The following DNAH8 variants were observed in gnomAD, a reference collection of about 807,000 sequenced individuals.
The protein encoded by DNAH8 is dynein axonemal heavy chain 8.
DNAH8 carries 382 observed loss-of-function variants against 562.1 expected under a neutral mutation model. That is an observed-to-expected ratio of 0.68 (90% CI 0.63 to 0.74). The LOEUF is 0.74. DNAH8 is among the 30% of genes least tolerant of loss of function. DNAH8 has a pLI of 0.00. For missense variants in DNAH8, 5,203 were observed against 5,620.4 expected (o/e 0.93, Z 2.37); for synonymous variants, 1,881 against 1,919.4 (o/e 0.98, Z 0.52).
intron 54 of DNAH8, 68 bp from the exon 55 acceptor site, chr6:38,883,254 A>G: frequency 3.3e-6 from 5 of 1,495,014 alleles, no homozygotes; most frequent in Non-Finnish European, 4.5e-6. Flanking sequence ...ACTAGCCCAT[A>G]GAATCATAAG....
chr6:38,963,253 C>CTTTTTTTTTTTTT (rs57083753), intron 82 of DNAH8, among the ~76,000 whole-genome samples: 1 of 102,578 alleles, frequency 9.7e-6, no homozygotes, highest in Admixed American at 1.1e-4. Flanking sequence ...AGTCCTTTTT[C>CTTTTTTTTTTTTT]TTTTTTTTTT....
intron 82 of DNAH8, among the ~76,000 whole-genome samples, chr6:38,967,241 C>T (rs1469269849): frequency 6.6e-6 from 1 of 151,906 alleles, no homozygotes; most frequent in Non-Finnish European, 1.5e-5. Flanking sequence ...GATGTCTACT[C>T]TTACGACTTT....
intron 8 of DNAH8, among the ~76,000 whole-genome samples, chr6:38,747,052 T>C (rs1383588920): frequency 6.6e-6 from 1 of 152,210 alleles, no homozygotes. Flanking sequence ...TTGGAATTTA[T>C]TTGTGTGAAT....
intron 76 of DNAH8, among the ~76,000 whole-genome samples, chr6:38,934,384 C>T (rs890813547): frequency 1.6e-4 from 24 of 151,476 alleles, no homozygotes; most frequent in African/African-American, 3.6e-4. Context: ...ACAAAAAACA[C>T]GCACAGAAAA....
chr6:38,732,472 G>A (rs889713117), intron 4 of DNAH8, among the ~76,000 whole-genome samples: 1 of 152,164 alleles, frequency 6.6e-6, no homozygotes, highest in Non-Finnish European at 1.5e-5. Context: ...ATATTGCTAC[G>A]TACCATGTAT....
chr6:38,732,380 C>T (rs1763721364), intron 4 of DNAH8, among the ~76,000 whole-genome samples: 1 of 152,112 alleles, frequency 6.6e-6, no homozygotes, highest in Non-Finnish European at 1.5e-5. Context: ...CACAATGGGA[C>T]AAAGTCAGGT....
chr6:38,837,674 G>A (rs1774412828), intron 32 of DNAH8, among the ~76,000 whole-genome samples: 1 of 152,078 alleles, frequency 6.6e-6, no homozygotes, highest in African/African-American at 2.4e-5. Flanking sequence ...TGTACTTATG[G>A]GAACTCGAAA....
In DNAH8 at chr6:38,791,687, T is replaced by G. The variant is rs761391171; in HGVS notation, c.2901+13T>G. 2 of 1,603,738 alleles carry G rather than the reference T, an allele frequency of 1.2e-6. No individual in the cohort carries two copies. The highest frequency in any genetic ancestry group is 3.5e-5 in the Admixed American group (2 of 56,988). ...GACCCTCAATGAGGTATGCATTTGTTCATTAAATTAGAATCACAAAAATAT... is the reference window on the plus strand; with the variant it reads ...GACCCTCAATGAGGTATGCATTTGTGCATTAAATTAGAATCACAAAAATAT... On this transcript the variant is annotated intron_variant, in intron 21 of 92. Transcript: ENST00000327475.
At position 39,026,655 on chromosome 6, in the gene DNAH8, G is replaced by T. The variant is rs776969419; in HGVS notation, c.13824G>T (p.Thr4608=). ...EVLRQTKEEI[T]SPPGEGVYIY... ...TGAGACAGACCAAGGAGGAGATCAC[G>T]TCACCCCCTGGGGTAGGCGTTGCTG... The change falls in exon 92 of 93, where the codon ACG becomes ACT. Residue 4608 remains threonine, a synonymous_variant. Coordinates refer to ENST00000327475, the MANE Select transcript of DNAH8 (RefSeq NM_001206927.2). The T allele has an allele frequency of 3.1e-6, 5 of 1,613,274 alleles. No individual in the cohort carries two copies. The Admixed American group carries it at 6.7e-5, about 22-fold the overall frequency.
At chr6:38,779,255 C>A (rs1221208892) in intron 14 of DNAH8, among the ~76,000 whole-genome samples, 1 of 152,134 alleles carries the variant, frequency 6.6e-6, no homozygotes, top group African/African-American at 2.4e-5. Context: ...TGATGGAGAC[C>A]TGGTGAGACC....
intron 82 of DNAH8, among the ~76,000 whole-genome samples, chr6:38,962,859 T>C (rs1014420587): frequency 3.9e-5 from 6 of 152,160 alleles, no homozygotes; most frequent in Admixed American, 2.0e-4. Context: ...ACCATTATTC[T>C]AAGTGAAGTA....
chr6:38,818,887 G>A (rs762634107), intron 26 of DNAH8, among the ~76,000 whole-genome samples: 6 of 152,194 alleles, frequency 3.9e-5, no homozygotes, highest in African/African-American at 7.2e-5. Flanking sequence ...CCTCAGAAGC[G>A]TTCTGCCTTG....
intron 61 of DNAH8, 53 bp downstream of exon 61, chr6:38,898,433 A>G: frequency 7.0e-7 from 1 of 1,433,366 alleles, no homozygotes; most frequent in Non-Finnish European, 9.2e-7. Context: ...AAAGCTTCGT[A>G]TATTTCATAG....
chr6:38,888,537 G>A lies in DNAH8; in HGVS notation c.8473+1533G>A, dbSNP rs569663258. On this transcript the variant is annotated intron_variant, in intron 57 of 92. Coordinates refer to ENST00000327475, the MANE Select transcript of DNAH8 (RefSeq NM_001206927.2). Reference sequence around the variant, plus strand: ...ATATTTAGAGAAATCCTATAAATCAGTCAGTCAAGAAAAGGAAACAACCTG... The same window carrying A: ...ATATTTAGAGAAATCCTATAAATCAATCAGTCAAGAAAAGGAAACAACCTG... Among the ~76,000 whole-genome samples, 25 of 152,046 alleles carry A rather than the reference G, an allele frequency of 1.6e-4. No individual in the cohort carries two copies. The East Asian group carries it at 4.1e-3, about 25-fold the overall frequency.
intron 13 of DNAH8, among the ~76,000 whole-genome samples, chr6:38,777,498 A>C (rs1458457991): frequency 6.6e-6 from 1 of 152,222 alleles, no homozygotes; most frequent in East Asian, 1.9e-4. Flanking sequence ...GACCATACCA[A>C]TATGATCTAT....
chr6:38,731,980 T>G (rs781714660), intron 4 of DNAH8, among the ~76,000 whole-genome samples: 1 of 152,240 alleles, frequency 6.6e-6, no homozygotes, highest in Non-Finnish European at 1.5e-5. Flanking sequence ...CCTTCCAAAG[T>G]GCTGAGATTA....
At chr6:38,932,105 CTTG>C (rs1782592010) in intron 76 of DNAH8, 112 bp downstream of exon 76, 1 of 719,792 alleles carries the variant, frequency 1.4e-6, no homozygotes, top group African/African-American at 1.9e-5. Flanking sequence ...CATATTTATC[CTTG>C]TTAACATAAG....
intron 82 of DNAH8, among the ~76,000 whole-genome samples, chr6:38,966,336 A>G (rs1762969051): frequency 6.6e-6 from 1 of 152,232 alleles, no homozygotes; most frequent in African/African-American, 2.4e-5. Flanking sequence ...ATGGAGATTT[A>G]TTCATTAATC....
chr6:38,992,463 A>C (rs146025574), intron 88 of DNAH8, among the ~76,000 whole-genome samples: 2 of 152,342 alleles, frequency 1.3e-5, no homozygotes, highest in East Asian at 3.9e-4. Flanking sequence ...GGATGTGATC[A>C]ATGAGGAGAT....
Sources: gnomAD v4.1 joint callset for allele counts (sites outside exome capture counted in the v4.1 genomes callset) on GRCh38, gnomAD v4.1.1 for gene constraint, MANE v1.5 for transcripts, NCBI Gene and HGNC (gene_info 2026-07-23, HGNC 2026-07-21) for gene names.